AHNAK: variants seen among roughly 807,000 people sequenced by gnomAD.
AHNAK encodes AHNAK nucleoprotein, also known as neuroblast differentiation-associated protein AHNAK.
In AHNAK, 23 loss-of-function variants were observed where a neutral mutation model predicts 37.8. The observed-to-expected ratio is 0.61, with a 90% CI of 0.44 to 0.86. AHNAK has a LOEUF of 0.86. AHNAK is among the 40% of genes least tolerant of loss of function. The pLI is 0.00. For synonymous variants in AHNAK, 2,481 were observed against 2,636.3 expected (o/e 0.94, Z 1.80); for missense variants, 7,411 against 7,319.4 (o/e 1.01, Z -0.46).
chr11:62,456,321 G>A (rs745977895), intron 5 of AHNAK, among the ~76,000 whole-genome samples: 2 of 152,216 alleles, frequency 1.3e-5, no homozygotes. Flanking sequence ...ACTTTCTGTG[G>A]CTGATAATGA....
Position 62,523,462 on chromosome 11 carries a change from G to A in AHNAK, c.10955C>T (p.Ala3652Val). Residue 3652 changes from alanine to valine, a missense_variant, in exon 5 of 5, where the codon GCA becomes GTA. By Grantham distance (64) the Ala-to-Val change is moderately conservative (BLOSUM62 0). Transcript: ENST00000378024. Reference protein sequence around the residue: ...VPDVNIEGPDAKLKGPKFKMP... With the variant: ...VPDVNIEGPDVKLKGPKFKMP... ...CTTGAACTTGGGGCCCTTCAGCTTTGCATCTGGACCTTCAATATTCACGTC... is the reference window on the plus strand; with the variant it reads ...CTTGAACTTGGGGCCCTTCAGCTTTACATCTGGACCTTCAATATTCACGTC... 6.2e-7 allele frequency: 1 copy of A among 1,612,482 alleles called. No individual in the cohort carries two copies. The highest frequency in any genetic ancestry group is 1.1e-5 in the South Asian group (1 of 90,916).
In AHNAK at chr11:62,444,139, G is replaced by A. The variant is rs978844217; in HGVS notation, c.443-10248C>T. Among the ~76,000 whole-genome samples, 10 of 152,268 alleles carry A rather than the reference G, an allele frequency of 6.6e-5. No homozygotes were observed. The East Asian group carries it at 9.7e-4, about 15-fold the overall frequency. ...GGTTCAGTGCCCCCTCCACCCACCC[G>A]GCCTCGTAACAACCCTGGCGATAAC... is the stretch of plus-strand genomic sequence containing the variant. On this transcript the variant is annotated intron_variant, in intron 5 of 5. Transcript: ENST00000257247.
At chr11:62,478,106 C>G (rs1304403774) in intron 5 of AHNAK, among the ~76,000 whole-genome samples, 1 of 152,188 alleles carries the variant, frequency 6.6e-6, no homozygotes, top group Non-Finnish European at 1.5e-5. Flanking sequence ...AAGAGCAGAG[C>G]CCCTGGCCTC....
rs1043705415 is a variant in AHNAK at position 62,438,432 on chromosome 11, G to A, written c.443-4541C>T. 7.9e-5 allele frequency among the ~76,000 whole-genome samples: 12 copies of A among 151,882 alleles called. No individual in the cohort carries two copies. In the East Asian group the frequency reaches 1.5e-3, roughly 20 times the overall value. Reference sequence around the variant, plus strand: ...TCCTGACAGGTGATCCACCTGCCTCGGCCTCCCACAGTGCTGAGATTACAG... The same window carrying A: ...TCCTGACAGGTGATCCACCTGCCTCAGCCTCCCACAGTGCTGAGATTACAG... On this transcript the variant is annotated intron_variant, in intron 5 of 5. Transcript: ENST00000257247.
rs1379002445 is a variant in AHNAK, at chr11:62,527,742, C to T, written c.6675G>A (p.Val2225=). ...CATCCACATCTGGGGCATCAATGTC[C>T]ACTTTGGGCCCTCTGATGTCAACAT... ...VPDVDIRGPK[V]DIDAPDVDVH... Residue 2225 remains valine (V), a synonymous_variant, in exon 5 of 5, where the codon GTG becomes GTA. Transcript: ENST00000378024. 1.9e-6 allele frequency: 3 copies of T among 1,613,988 alleles called. No individual in the cohort carries two copies. Among genetic ancestry groups the T allele is most frequent in the Non-Finnish European group, 2.5e-6 (3 of 1,179,992 alleles).
chr11:62,539,584 C>T (rs1941060066), intron 1 of AHNAK, among the ~76,000 whole-genome samples: 1 of 152,258 alleles, frequency 6.6e-6, no homozygotes, highest in Non-Finnish European at 1.5e-5. Context: ...TGCAGACAGG[C>T]AGTTGGCTTC....
At chr11:62,487,731 A>G (rs1039246088) in intron 5 of AHNAK, among the ~76,000 whole-genome samples, 1 of 152,256 alleles carries the variant, frequency 6.6e-6, no homozygotes, top group African/African-American at 2.4e-5. Flanking sequence ...CCCTGTATGC[A>G]GCTGACTGAA....
At chr11:62,503,304 G>A (rs1484561916) in intron 4 of AHNAK, among the ~76,000 whole-genome samples, 1 of 152,232 alleles carries the variant, frequency 6.6e-6, no homozygotes, top group African/African-American at 2.4e-5. Context: ...AACAACGAAA[G>A]TGGGCTGGGC....
rs1226812598 is a variant in AHNAK at position 62,518,447 on chromosome 11, C to G, written c.15970G>C (p.Val5324Leu). Residue 5324 changes from valine to leucine, a missense_variant, in exon 5 of 5, where the codon GTG becomes CTG. Coordinates refer to ENST00000378024, the MANE Select transcript of AHNAK (RefSeq NM_001620.3). The stretch of plus-strand genomic sequence containing the variant: ...CTGAGGTTGAGCCCTGGAGCATGCA[C>G]CTTCATGCTGGGAACAGATGCATCC... ...DLDASVPSMK[V>L]HAPGLNLSGV... 1.2e-6 allele frequency: 2 copies of G among 1,614,096 alleles called. No individual in the cohort carries two copies. The highest frequency in any genetic ancestry group is 1.7e-6 in the Non-Finnish European group (2 of 1,180,012).
In AHNAK at chr11:62,522,329, G is replaced by C. The variant is rs985711643; in HGVS notation, c.12088C>G (p.Leu4030Val). ...DVSLPKMEGD[L>V]KAPEVDIKGP... Reference sequence around the variant, plus strand: ...TTGATGTCAACTTCAGGGGCCTTTAGATCACCTTCCATCTTAGGCAGAGAA... The same window carrying C: ...TTGATGTCAACTTCAGGGGCCTTTACATCACCTTCCATCTTAGGCAGAGAA... The change falls in exon 5 of 5, where the codon CTA (leucine) becomes GTA (valine). Residue 4030 changes from leucine (L) to valine (V), a missense_variant. By Grantham distance (32) the Leu-to-Val change is conservative. Transcript: ENST00000378024. The C allele has an allele frequency of 6.2e-7, 1 of 1,612,100 alleles. No homozygotes were observed. The highest frequency in any genetic ancestry group is 8.5e-7 in the Non-Finnish European group (1 of 1,179,480).
chr11:62,512,868 A>AAGGG (rs541728955), downstream of AHNAK, among the ~76,000 whole-genome samples: 3,050 of 128,580 alleles, frequency 0.024, 58 homozygotes, highest in Middle Eastern at 0.061. This position sits in a 1 kb window ranked among gnomAD's most constrained non-coding sequence, Gnocchi z 4.0. Context: ...AGAAGGAAGG[A>AAGGG]AGGGAGGGAG....
chr11:62,487,782 T>C (rs1315704760), intron 5 of AHNAK, among the ~76,000 whole-genome samples: 1 of 152,208 alleles, frequency 6.6e-6, no homozygotes, highest in East Asian at 1.9e-4. Context: ...AAACGGGTTT[T>C]TTGATATTAA....
At chr11:62,506,013 C>CAAAA (rs10608015) in intron 4 of AHNAK, among the ~76,000 whole-genome samples, 7 of 43,068 alleles carry the variant, frequency 1.6e-4, no homozygotes, top group Admixed American at 3.7e-4. Context: ...CTGTCTCTAC[C>CAAAA]AAAAAAAAAA....
chr11:62,448,776 A>G (rs1221276286), intron 5 of AHNAK, among the ~76,000 whole-genome samples: 1 of 152,150 alleles, frequency 6.6e-6, no homozygotes, highest in Non-Finnish European at 1.5e-5. Context: ...ATGGTATTTA[A>G]AGTTCTGGGA....
chr11:62,445,100 G>A (rs973849309), intron 5 of AHNAK, among the ~76,000 whole-genome samples: 1 of 152,140 alleles, frequency 6.6e-6, no homozygotes, highest in Non-Finnish European at 1.5e-5. Context: ...CTCTCACCCT[G>A]CCAGACAGCG....
Position 62,522,133 on chromosome 11 carries a change from T to A in AHNAK, c.12284A>T (p.Lys4095Ile), listed in dbSNP as rs1590656459. The change falls in exon 5 of 5, where the codon AAA (lysine) becomes ATA (isoleucine). Residue 4095 changes from lysine (K) to isoleucine (I), a missense_variant. By Grantham distance (102) the Lys-to-Ile change is moderately radical. Transcript: ENST00000378024. ...AATATCAGGAGTGTCAATGTCCACT[T>A]TGGGTCCTGAGACATCAATGTCAGC... Reference protein sequence around the residue: ...PKADIDVSGPKVDIDTPDIDI... With the variant: ...PKADIDVSGPIVDIDTPDIDI... The A allele has an allele frequency of 1.2e-6, 2 of 1,613,942 alleles. No homozygotes were observed. Among genetic ancestry groups the A allele is most frequent in the East Asian group, 4.5e-5 (2 of 44,854 alleles).
chr11:62,439,089 A>ATTTT lies in AHNAK; in HGVS notation c.443-5202_443-5199dup, dbSNP rs11374757. ...GACACCCATCCCTCTCAGTTTCCCT[A>ATTTT]TTTTTTTTTTTTTTTTTTTTTTGAG... On this transcript the variant is annotated intron_variant, in intron 5 of 5. Transcript: ENST00000257247. 1.7e-3 allele frequency among the ~76,000 whole-genome samples: 162 copies of ATTTT among 92,894 alleles called. 7 individuals carry two copies. Among genetic ancestry groups the ATTTT allele is most frequent in the East Asian group, 6.1e-3 (18 of 2,968 alleles). The allele number at this position is 92,894 out of a possible 152,430, so 60.9% of individuals were successfully genotyped here. A position where few individuals can be genotyped will look rare whatever the true frequency, so the allele number is the denominator to read the frequency against.
Position 62,523,520 on chromosome 11 carries a change from T to C in AHNAK, c.10897A>G (p.Ile3633Val), listed in dbSNP as rs1209739870. 2 of 1,613,932 alleles carry C rather than the reference T, an allele frequency of 1.2e-6. No individual in the cohort carries two copies. Among genetic ancestry groups the C allele is most frequent in the Middle Eastern group, 1.6e-4 (1 of 6,082 alleles). ...TCAACGTCTACATTGGGACCAGAAA[T>C]GTCAATGTCAGCTTTAGGGAGGGTA... ...DVTLPKADID[I>V]SGPNVDVDVP... The change falls in exon 5 of 5, where the codon ATT becomes GTT. Residue 3633 changes from isoleucine (I) to valine (V), a missense_variant. By Grantham distance (29) the Ile-to-Val change is conservative. Coordinates refer to ENST00000378024, the MANE Select transcript of AHNAK (RefSeq NM_001620.3).
At position 62,516,544 on chromosome 11, in the gene AHNAK, T is replaced by G. The variant is rs577162238; in HGVS notation, c.*200A>C. The G allele has an allele frequency of 7.0e-7, 1 of 1,427,296 alleles. No individual in the cohort carries two copies. Among genetic ancestry groups the G allele is most frequent in the Admixed American group, 2.8e-5 (1 of 35,222 alleles). The allele number at this position is 1,427,296 out of a possible 1,614,324, so 88.4% of individuals were successfully genotyped here. Reference sequence around the variant, plus strand: ...GACTTTGCACATGGGCTGGACGAACTTGGAACTCTTTACCTATCTGTATAG... The same window carrying G: ...GACTTTGCACATGGGCTGGACGAACGTGGAACTCTTTACCTATCTGTATAG... On this transcript the variant is annotated 3_prime_UTR_variant, in exon 5 of 5. Coordinates refer to ENST00000378024, the MANE Select transcript of AHNAK (RefSeq NM_001620.3).
Sources: allele counts gnomAD v4.1 joint callset (sites outside exome capture counted in the v4.1 genomes callset), GRCh38; gene constraint gnomAD v4.1.1; non-coding constraint Gnocchi (gnomAD v3.1); transcripts MANE v1.5; gene names NCBI Gene and HGNC (gene_info 2026-07-23, HGNC 2026-07-21).